Variants in PRKG1 observed in about 807,000 individuals in gnomAD.
PRKG1 encodes the protein protein kinase cGMP-dependent 1.
A neutral mutation model predicts 88.1 loss-of-function variants in PRKG1; 35 were observed. That is an observed-to-expected ratio of 0.40 (90% CI 0.30 to 0.53). The LOEUF is 0.53. PRKG1 is among the 20% of genes least tolerant of loss of function. PRKG1 has a pLI of 0.59. For missense variants in PRKG1, 540 were observed against 839.8 expected (o/e 0.64, Z 4.41); for synonymous variants, 303 against 292.5 (o/e 1.04, Z -0.37).
At chr10:51,267,998 T>C (rs7082176) in intron 2 of PRKG1, among the ~76,000 whole-genome samples, 42,010 of 151,964 alleles carry the variant, frequency 0.28, 6,038 homozygotes, top group African/African-American at 0.34. Flanking sequence ...CCCTAAGTGT[T>C]GAACAGTCTG....
chr10:52,101,359 A>G (rs1206080578), intron 7 of PRKG1, among the ~76,000 whole-genome samples: 3 of 122,312 alleles, frequency 2.5e-5, no homozygotes, highest in Non-Finnish European at 6.0e-5. Context: ...ACCACATTAT[A>G]TATTTTTTGT....
chr10:51,068,689 A>G (rs1197337190), intron 1 of PRKG1: 1 of 151,978 alleles, frequency 6.6e-6, no homozygotes, highest in African/African-American at 2.4e-5. Context: ...CAGAATCAAA[A>G]TTACTTTTAA....
intron 5 of PRKG1, among the ~76,000 whole-genome samples, chr10:51,931,118 C>T (rs897293085): frequency 2.6e-5 from 4 of 152,116 alleles, no homozygotes; most frequent in African/African-American, 4.8e-5. Flanking sequence ...TTCGTCTCTG[C>T]GCAGTTAATT....
At chr10:51,210,952 A>G (rs1455696060) in intron 2 of PRKG1, among the ~76,000 whole-genome samples, 1 of 152,150 alleles carries the variant, frequency 6.6e-6, no homozygotes, top group East Asian at 1.9e-4. Context: ...GAATCCTCCC[A>G]AACTCATTTT....
chr10:51,199,389 G>A (rs920682536), intron 2 of PRKG1, among the ~76,000 whole-genome samples: 1 of 152,068 alleles, frequency 6.6e-6, no homozygotes, highest in African/African-American at 2.4e-5. Flanking sequence ...TAATAAACAT[G>A]TACTATGTTC....
At chr10:51,778,072 T>G (rs201727664) in intron 3 of PRKG1, among the ~76,000 whole-genome samples, 1 of 152,170 alleles carries the variant, frequency 6.6e-6, no homozygotes, top group East Asian at 1.9e-4. Flanking sequence ...ACTTGTGCCT[T>G]TTTCAACAGT....
intron 2 of PRKG1, among the ~76,000 whole-genome samples, chr10:51,414,909 G>A (rs1328685100): frequency 6.6e-6 from 1 of 152,148 alleles, no homozygotes; most frequent in Admixed American, 6.5e-5. Flanking sequence ...TTCAAACAAT[G>A]TAAAGATTTA....
At chr10:51,259,711 G>T (rs1277796351) in intron 2 of PRKG1, among the ~76,000 whole-genome samples, 1 of 152,108 alleles carries the variant, frequency 6.6e-6, no homozygotes, top group African/African-American at 2.4e-5. Context: ...CCTAACCTCA[G>T]ATGACCCACC....
chr10:52,272,166 T>A (rs1235877764), intron 11 of PRKG1, among the ~76,000 whole-genome samples: 1 of 152,062 alleles, frequency 6.6e-6, no homozygotes, highest in African/African-American at 2.4e-5. Flanking sequence ...CCATAATCAT[T>A]ATGATTAATC....
At chr10:51,113,449 C>G (rs746913037) in intron 1 of PRKG1, among the ~76,000 whole-genome samples, 19 of 152,158 alleles carry the variant, frequency 1.2e-4, no homozygotes, top group Non-Finnish European at 2.4e-4. Context: ...CATCTTCTCC[C>G]TAGCTGCCCT....
chr10:52,289,126 C>T (rs1842184278), intron 16 of PRKG1, 133 bp downstream of exon 16: 4 of 767,954 alleles, frequency 5.2e-6, no homozygotes, highest in South Asian at 4.4e-5. Context: ...ACTAGTAAGG[C>T]TTTTAAATGC....
At chr10:51,155,062 A>G (rs2131978518) in intron 2 of PRKG1, among the ~76,000 whole-genome samples, 1 of 152,178 alleles carries the variant, frequency 6.6e-6, no homozygotes, top group East Asian at 1.9e-4. Context: ...TTAATAAAAC[A>G]GCTATTGTAT....
At chr10:51,019,417 T>G (rs1273067971) in intron 1 of PRKG1, among the ~76,000 whole-genome samples, 3 of 152,114 alleles carry the variant, frequency 2.0e-5, no homozygotes, top group Non-Finnish European at 2.9e-5. Flanking sequence ...TTCAAACAAA[T>G]GGTGGTAGGA....
intron 2 of PRKG1, among the ~76,000 whole-genome samples, chr10:51,391,177 T>A (rs962742294): frequency 1.3e-5 from 2 of 152,182 alleles, no homozygotes; most frequent in African/African-American, 4.8e-5. Context: ...ACAGAACTCT[T>A]TTTTCTGCTT....
At chr10:52,209,429 A>T (rs1386452669) in intron 9 of PRKG1, among the ~76,000 whole-genome samples, 1 of 152,198 alleles carries the variant, frequency 6.6e-6, no homozygotes, top group Non-Finnish European at 1.5e-5. Flanking sequence ...AAATAGGCCC[A>T]GGCTGGATTT....
At chr10:51,507,617 T>C (rs1331979194) in intron 3 of PRKG1, among the ~76,000 whole-genome samples, 1 of 152,124 alleles carries the variant, frequency 6.6e-6, no homozygotes, top group Admixed American at 6.6e-5. Context: ...ACTTTTACAC[T>C]AGGTTTGTTA....
intron 3 of PRKG1, among the ~76,000 whole-genome samples, chr10:51,629,419 C>T (rs939244804): frequency 7.9e-5 from 12 of 151,670 alleles, no homozygotes; most frequent in Middle Eastern, 3.2e-3. Flanking sequence ...TCACTGGGAG[C>T]TCTGAGCTTG....
intron 5 of PRKG1, among the ~76,000 whole-genome samples, chr10:52,043,525 A>G (rs749886865): frequency 2.6e-5 from 4 of 152,088 alleles, no homozygotes; most frequent in Admixed American, 6.6e-5. Context: ...TCATAAAAAC[A>G]GAGAGTAGAA....
chr10:51,581,990 T>C (rs1838052440), intron 3 of PRKG1, among the ~76,000 whole-genome samples: 1 of 152,110 alleles, frequency 6.6e-6, no homozygotes, highest in Admixed American at 6.6e-5. Context: ...CACGTTTGTT[T>C]AGAATTTGGA....
Sources: gnomAD v4.1 joint callset for allele counts (sites outside exome capture counted in the v4.1 genomes callset) on GRCh38, gnomAD v4.1.1 for gene constraint, MANE v1.5 for transcripts, NCBI Gene and HGNC (gene_info 2026-07-23, HGNC 2026-07-21) for gene names.